C19orf47: variants seen among roughly 807,000 people sequenced by gnomAD.
C19orf47 encodes chromosome 19 open reading frame 47, also known as uncharacterized protein C19orf47.
Under a neutral mutation model 32.3 loss-of-function variants are expected in C19orf47, and 18 were observed. The observed-to-expected ratio is 0.56, with a 90% confidence interval of 0.39 to 0.83. The LOEUF (loss-of-function observed/expected upper bound fraction) is 0.83. C19orf47 is among the 40% of genes least tolerant of loss of function. The probability of loss-of-function intolerance (pLI) is 0.00; values close to 1 mark genes in which losing one functional copy is unlikely to be tolerated. For synonymous variants in C19orf47, 202 were observed against 211.1 expected, an observed-to-expected ratio of 0.96 and a Z score of 0.37; for missense variants, 484 against 531.6, an observed-to-expected ratio of 0.91 and a Z score of 0.88.
chr19:40,294,974 A>G, the C19orf47 span, among the ~76,000 whole-genome samples: 1 of 152,132 alleles, frequency 6.6e-6, no homozygotes, highest in South Asian at 2.1e-4. Flanking sequence ...ATGAGACACC[A>G]TTTACACAAA....
intron 1 of C19orf47, among the ~76,000 whole-genome samples, chr19:40,342,735 A>G (rs944864154): frequency 6.6e-6 from 1 of 152,188 alleles, no homozygotes; most frequent in African/African-American, 2.4e-5. Flanking sequence ...GGAAGCAATG[A>G]GCCATGTGGT....
chr19:40,301,526 G>A, the C19orf47 span, among the ~76,000 whole-genome samples: 1 of 151,364 alleles, frequency 6.6e-6, no homozygotes, highest in Non-Finnish European at 1.5e-5. Context: ...ATTTTTGGTA[G>A]AGACGAGGTT....
chr19:40,330,227 C>CT (rs1046231188), intron 5 of C19orf47, among the ~76,000 whole-genome samples: 3 of 151,418 alleles, frequency 2.0e-5, no homozygotes, highest in Non-Finnish European at 2.9e-5. Flanking sequence ...CTTTCCCTTT[C>CT]TTTTTTTTCT....
chr19:40,317,273 G>A (rs142012508), downstream of C19orf47, among the ~76,000 whole-genome samples: 271 of 152,080 alleles, frequency 1.8e-3, no homozygotes, highest in African/African-American at 5.9e-3. Flanking sequence ...CACCAAACGT[G>A]GCTGTGAATG....
intron 4 of C19orf47, chr19:40,335,008 GGGAGGGAAGGAGGAAGGGAAGGAGGGAA>G (rs1248014957): frequency 7.3e-6 from 1 of 137,446 alleles, no homozygotes; most frequent in Non-Finnish European, 1.6e-5. Context: ...GAAGGAGGGA[GGGAGGGAAGGAGGAAGGGAAGGAGGGAA>G]GGAGGGAGGG....
At chr19:40,338,712 T>G (rs2078119663) in intron 2 of C19orf47, among the ~76,000 whole-genome samples, 1 of 151,794 alleles carries the variant, frequency 6.6e-6, no homozygotes, top group Non-Finnish European at 1.5e-5. Context: ...GAGACAGAGT[T>G]TTGCCATGTT....
the C19orf47 span, among the ~76,000 whole-genome samples, chr19:40,313,790 G>A: frequency 1.3e-5 from 2 of 152,080 alleles, no homozygotes; most frequent in African/African-American, 4.8e-5. Flanking sequence ...GCTGCAGTAA[G>A]CTACGATTGT....
the C19orf47 span, among the ~76,000 whole-genome samples, chr19:40,302,350 C>T: frequency 6.6e-6 from 1 of 152,236 alleles, no homozygotes; most frequent in East Asian, 1.9e-4. Context: ...CTGCAGCCTC[C>T]ACCCCCCAGG....
chr19:40,325,740 G>GA (rs1326923718), intron 7 of C19orf47, among the ~76,000 whole-genome samples: 1 of 152,216 alleles, frequency 6.6e-6, no homozygotes, highest in East Asian at 1.9e-4. Flanking sequence ...GGGAGTGAGG[G>GA]AAAAGAGTTT....
chr19:40,337,854 A>T (rs371137470), intron 2 of C19orf47, among the ~76,000 whole-genome samples: 54 of 152,224 alleles, frequency 3.5e-4, no homozygotes, highest in African/African-American at 1.2e-3. Flanking sequence ...TTCCTCCGCC[A>T]GGCCAGAGGA....
the C19orf47 span, among the ~76,000 whole-genome samples, chr19:40,301,539 G>A: frequency 2.6e-5 from 4 of 151,120 alleles, no homozygotes; most frequent in Non-Finnish European, 5.9e-5. Context: ...ACGAGGTTTC[G>A]CCATGTTGGT....
the C19orf47 span, among the ~76,000 whole-genome samples, chr19:40,306,318 G>A: frequency 6.6e-6 from 1 of 151,996 alleles, no homozygotes; most frequent in Non-Finnish European, 1.5e-5. Flanking sequence ...GAGGGGAGAA[G>A]AGGGAACAGT....
the C19orf47 span, among the ~76,000 whole-genome samples, chr19:40,306,952 G>T: frequency 1.3e-5 from 2 of 151,582 alleles, no homozygotes; most frequent in African/African-American, 4.8e-5. Context: ...ACCTAGCCCG[G>T]CTAATTTTTT....
At position 40,319,696 on chromosome 19, in the gene C19orf47, C is replaced by T. The variant is rs2077689630; in HGVS notation, c.*2186G>A. On this transcript the variant is annotated 3_prime_UTR_variant, in exon 9 of 9. Transcript: ENST00000683109. ...GGGATTACAGGCACCTGTCACCACA[C>T]CCGGCTAATTTTTGTATTTTTAGTA... The T allele has an allele frequency of 6.5e-6, 1 of 152,736 alleles. No homozygotes were observed. Among genetic ancestry groups the T allele is most frequent in the Non-Finnish European group, 1.5e-5 (1 of 68,050 alleles). 9.5% of individuals were successfully genotyped at this position (152,736 alleles called of 1,614,324 possible).
intron 8 of C19orf47, among the ~76,000 whole-genome samples, chr19:40,323,599 G>A (rs565794598): frequency 2.6e-5 from 4 of 152,322 alleles, no homozygotes; most frequent in East Asian, 3.9e-4. Context: ...GTAACTGTGC[G>A]AGACCATTCA....
At chr19:40,297,701 GAAAAAAAA>G in the C19orf47 span, among the ~76,000 whole-genome samples, 3 of 110,862 alleles carry the variant, frequency 2.7e-5, no homozygotes, top group African/African-American at 1.4e-4. Context: ...CTCCGTCTCG[GAAAAAAAA>G]AAAAAAAAAA....
the C19orf47 span, among the ~76,000 whole-genome samples, chr19:40,299,961 G>A: frequency 2.6e-5 from 4 of 151,932 alleles, no homozygotes; most frequent in African/African-American, 7.3e-5. Flanking sequence ...CCCAGGGGGC[G>A]GAGGTTGCAG....
intron 1 of C19orf47, among the ~76,000 whole-genome samples, chr19:40,347,641 T>C (rs2078340680): frequency 1.3e-5 from 2 of 152,160 alleles, no homozygotes; most frequent in African/African-American, 4.8e-5. Flanking sequence ...AAACTAGTAC[T>C]TCAGGACTCA....
chr19:40,334,402 T>C (rs1455827478), intron 4 of C19orf47, among the ~76,000 whole-genome samples: 2 of 152,154 alleles, frequency 1.3e-5, no homozygotes, highest in South Asian at 2.1e-4. Flanking sequence ...TAAGCTGTGA[T>C]TGTACCACTG....
Sources: gnomAD v4.1 joint callset for allele counts (sites outside exome capture counted in the v4.1 genomes callset) on GRCh38, gnomAD v4.1.1 for gene constraint, MANE v1.5 for transcripts, NCBI Gene and HGNC (gene_info 2026-07-23, HGNC 2026-07-21) for gene names.